Variants in LRRFIP2 observed in about 807,000 individuals in gnomAD.
The protein encoded by LRRFIP2 is leucine-rich repeat flightless-interacting protein 2.
A neutral mutation model predicts 125.9 loss-of-function variants in LRRFIP2; 109 were observed. The ratio of observed to expected loss-of-function variants is 0.87; its 90% confidence interval spans 0.74 to 1.01. LRRFIP2 has a LOEUF of 1.01. LRRFIP2 is among the 50% of genes least tolerant of loss of function. LRRFIP2 has a pLI of 0.00. For missense variants in LRRFIP2, 850 were observed against 862.3 expected (o/e 0.99, Z 0.18); for synonymous variants, 291 against 293.1 (o/e 0.99, Z 0.07).
At chr3:37,102,657 C>A (rs985768898) in intron 15 of LRRFIP2, among the ~76,000 whole-genome samples, 4 of 151,774 alleles carry the variant, frequency 2.6e-5, no homozygotes, top group Non-Finnish European at 4.4e-5. Context: ...CGCCCCCACA[C>A]CCAGCTAATT....
At chr3:37,094,660 TG>T in intron 17 of LRRFIP2, 131 bp downstream of exon 17, 2 of 601,410 alleles carry the variant, frequency 3.3e-6, no homozygotes, top group Non-Finnish European at 5.9e-6. Context: ...GTCACACTTT[TG>T]TACAGTACTT....
intron 7 of LRRFIP2, among the ~76,000 whole-genome samples, chr3:37,114,239 A>C (rs1398231332): frequency 1.3e-5 from 2 of 152,194 alleles, no homozygotes; most frequent in African/African-American, 4.8e-5. Context: ...TATAACTTAA[A>C]TTCCTTGGTT....
At chr3:37,121,412 T>C (rs1381002817) in intron 6 of LRRFIP2, 80 bp downstream of exon 6, 1 of 1,304,460 alleles carries the variant, frequency 7.7e-7, no homozygotes, top group Non-Finnish European at 1.1e-6. Flanking sequence ...TACAGGAACA[T>C]TGTCAGATTG....
At chr3:37,084,193 C>T (rs2092867282) in intron 18 of LRRFIP2, among the ~76,000 whole-genome samples, 1 of 152,160 alleles carries the variant, frequency 6.6e-6, no homozygotes, top group Non-Finnish European at 1.5e-5. Flanking sequence ...CCACAGAATA[C>T]AGCCTCTCTT....
At chr3:37,117,550 A>G (rs954739610) in intron 6 of LRRFIP2, among the ~76,000 whole-genome samples, 1 of 152,160 alleles carries the variant, frequency 6.6e-6, no homozygotes, top group Non-Finnish European at 1.5e-5. Context: ...CTCATTTCCA[A>G]ATTTTTGATG....
At position 37,131,182 on chromosome 3, in the gene LRRFIP2, G is replaced by A. The variant is rs747989165; in HGVS notation, c.91-2033C>T. 5.6e-4 allele frequency among the ~76,000 whole-genome samples: 85 copies of A among 152,240 alleles called. No homozygotes were observed. The Middle Eastern group carries it at 0.01, about 18-fold the overall frequency. On this transcript the variant is annotated intron_variant, in intron 2 of 27. Transcript: ENST00000336686. ...GTGGGGACTACTCTACTTGCTCCAC[G>A]TGTACTGGGTGCATCCCATCTCTCT...
chr3:37,140,810 T>A (rs2095677516), intron 2 of LRRFIP2, among the ~76,000 whole-genome samples: 1 of 151,868 alleles, frequency 6.6e-6, no homozygotes. Context: ...ATCATAAGGG[T>A]CCTTCCTCTT....
intron 6 of LRRFIP2, 63 bp from the exon 7 acceptor site, chr3:37,115,158 G>T: frequency 8.7e-7 from 1 of 1,146,448 alleles, no homozygotes; most frequent in South Asian, 1.4e-5. Context: ...AAGAAGAGAA[G>T]AAGTAATATT....
In LRRFIP2 at chr3:37,052,826, C is replaced by T. The variant is rs2085891261; in HGVS notation, c.*1025G>A. On this transcript the variant is annotated 3_prime_UTR_variant, in exon 28 of 28. Coordinates refer to ENST00000336686, the MANE Select transcript of LRRFIP2 (RefSeq NM_006309.4). Reference sequence around the variant, plus strand: ...AATCATAAATTCTGCAAAGTAGTTGCACTCCATGATTTTAAAAAAACCTCT... The same window carrying T: ...AATCATAAATTCTGCAAAGTAGTTGTACTCCATGATTTTAAAAAAACCTCT... 6.6e-6 allele frequency: 1 copy of T among 152,100 alleles called. No homozygotes were observed. Among genetic ancestry groups the T allele is most frequent in the African/African-American group, 2.4e-5 (1 of 41,408 alleles). 9.4% of individuals were successfully genotyped at this position (152,100 alleles called of 1,614,324 possible). A position where few individuals can be genotyped will look rare whatever the true frequency, so the allele number is the denominator to read the frequency against.
chr3:37,173,537 C>G (rs2096615122), intron 1 of LRRFIP2, among the ~76,000 whole-genome samples: 1 of 152,178 alleles, frequency 6.6e-6, no homozygotes, highest in African/African-American at 2.4e-5. Flanking sequence ...AAAGGACCAT[C>G]TCTCAATTTA....
chr3:37,148,790 A>T (rs1297499536), intron 2 of LRRFIP2, 104 bp downstream of exon 2: 1 of 1,222,614 alleles, frequency 8.2e-7, no homozygotes, highest in Admixed American at 2.2e-5. Flanking sequence ...CATAATAAAC[A>T]TCTGAAACTA....
chr3:37,113,777 G>A (rs1576821821), intron 7 of LRRFIP2, among the ~76,000 whole-genome samples: 1 of 152,134 alleles, frequency 6.6e-6, no homozygotes, highest in East Asian at 1.9e-4. Flanking sequence ...GTAATGCTCA[G>A]GAGGAAAACA....
At chr3:37,054,282 C>A in intron 27 of LRRFIP2, 129 bp downstream of exon 27, 1 of 727,056 alleles carries the variant, frequency 1.4e-6, no homozygotes, top group Non-Finnish European at 2.3e-6. Context: ...CAAAAACCAA[C>A]ACAAATTAGT....
At chr3:37,093,400 T>C (rs989844780) in intron 17 of LRRFIP2, among the ~76,000 whole-genome samples, 2 of 152,134 alleles carry the variant, frequency 1.3e-5, no homozygotes, top group Non-Finnish European at 2.9e-5. Context: ...CTTCCTCCTC[T>C]CTCTACTGGT....
rs113982148 is a variant in LRRFIP2, at chr3:37,060,921, T to A, written c.1750-2011A>T. On this transcript the variant is annotated intron_variant, in intron 24 of 27. Coordinates refer to ENST00000336686, the MANE Select transcript of LRRFIP2 (RefSeq NM_006309.4). The surrounding 1 kb of genome is among the most constrained non-coding windows in gnomAD (Gnocchi z 4.1). The stretch of plus-strand genomic sequence containing the variant: ...ATTTCTGGTATATCTCCTCTTACGG[T>A]TTGGATGTCTGTCCCCTCCAAATCT... 2.0e-5 allele frequency among the ~76,000 whole-genome samples: 3 copies of A among 152,106 alleles called. No homozygotes were observed. The highest frequency in any genetic ancestry group is 7.2e-5 in the African/African-American group (3 of 41,498).
chr3:37,056,661 G>A (rs923190635), intron 25 of LRRFIP2, among the ~76,000 whole-genome samples: 2 of 151,834 alleles, frequency 1.3e-5, no homozygotes, highest in African/African-American at 4.8e-5. Context: ...CACCATGTTA[G>A]CCAGGATGGT....
At chr3:37,166,021 A>C (rs2150336820) in intron 1 of LRRFIP2, among the ~76,000 whole-genome samples, 1 of 152,272 alleles carries the variant, frequency 6.6e-6, no homozygotes, top group East Asian at 1.9e-4. Context: ...ACAAAAGAAA[A>C]GGTAAGTTGG....
chr3:37,110,885 G>A (rs980272949), intron 9 of LRRFIP2, 106 bp downstream of exon 9: 48 of 917,206 alleles, frequency 5.2e-5, no homozygotes, highest in East Asian at 1.8e-4. Context: ...TAGTATATAC[G>A]TAGCCATTTA....
Position 37,150,885 on chromosome 3 carries a change from T to C in LRRFIP2, c.-55-1847A>G, listed in dbSNP as rs1051370374. On this transcript the variant is annotated intron_variant, in intron 1 of 27. Coordinates refer to ENST00000336686, the MANE Select transcript of LRRFIP2 (RefSeq NM_006309.4). Reference sequence around the variant, plus strand: ...ATTCCGGCTAAATAAAGCAGAACTATTCCACCAAAAAGTTTTCTCCAATAA... The same window carrying C: ...ATTCCGGCTAAATAAAGCAGAACTACTCCACCAAAAAGTTTTCTCCAATAA... Among the ~76,000 whole-genome samples, 12 of 152,296 alleles carry C rather than the reference T, an allele frequency of 7.9e-5. No homozygotes were observed. In the East Asian group the frequency reaches 1.9e-3, roughly 24 times the overall value.
Sources: allele counts gnomAD v4.1 joint callset (sites outside exome capture counted in the v4.1 genomes callset), GRCh38; gene constraint gnomAD v4.1.1; non-coding constraint Gnocchi (gnomAD v3.1); transcripts MANE v1.5; gene names NCBI Gene and HGNC (gene_info 2026-07-23, HGNC 2026-07-21).